Variants in RECQL observed in about 807,000 individuals in gnomAD.
RECQL encodes RecQ like helicase.
Under a neutral mutation model 75.8 loss-of-function variants are expected in RECQL, and 73 were observed. That is an observed-to-expected ratio of 0.96 (90% CI 0.80 to 1.17). RECQL has a LOEUF of 1.17. RECQL is among the 50% of genes most tolerant of loss of function. RECQL has a pLI of 0.00. For synonymous variants in RECQL, 248 were observed against 254.4 expected (o/e 0.97, Z 0.24); for missense variants, 699 against 772.1 (o/e 0.91, Z 1.12).
chr12:21,478,079 G>GCT (rs1248147044), intron 6 of RECQL, 110 bp from the exon 7 acceptor site: 1 of 1,027,108 alleles, frequency 9.7e-7, no homozygotes, highest in East Asian at 2.6e-5. Context: ...TGTTTCCACA[G>GCT]CCATCTATAG....
intron 2 of RECQL, among the ~76,000 whole-genome samples, chr12:21,497,407 T>A (rs1943527782): frequency 6.6e-6 from 1 of 152,196 alleles, no homozygotes; most frequent in Non-Finnish European, 1.5e-5. Context: ...CACTCTAGCA[T>A]CTCTCCAGAG....
chr12:21,472,244 A>G (rs1942987472), intron 12 of RECQL, among the ~76,000 whole-genome samples: 1 of 152,084 alleles, frequency 6.6e-6, no homozygotes, highest in African/African-American at 2.4e-5. Context: ...CACACGGATG[A>G]AAAAAAGTTA....
At chr12:21,489,242 T>C (rs566839335) in intron 4 of RECQL, among the ~76,000 whole-genome samples, 2 of 152,370 alleles carry the variant, frequency 1.3e-5, no homozygotes, top group South Asian at 2.1e-4. Flanking sequence ...GCTACACCCA[T>C]GTGTTTACAC....
At chr12:21,481,687 G>A (rs187840263) in intron 6 of RECQL, among the ~76,000 whole-genome samples, 6 of 152,122 alleles carry the variant, frequency 3.9e-5, no homozygotes, top group Admixed American at 3.3e-4. Flanking sequence ...TGCAGTCTTC[G>A]GGCTACAAGC....
At chr12:21,496,876 T>C (rs901321358) in intron 2 of RECQL, among the ~76,000 whole-genome samples, 6 of 152,210 alleles carry the variant, frequency 3.9e-5, no homozygotes, top group East Asian at 3.8e-4. Flanking sequence ...AACGCCATGA[T>C]ACAATCTTCT....
At chr12:21,478,301 G>C (rs138768500) in intron 6 of RECQL, among the ~76,000 whole-genome samples, 1 of 151,944 alleles carries the variant, frequency 6.6e-6, no homozygotes, top group African/African-American at 2.4e-5. Flanking sequence ...TGGTAAGGGC[G>C]GCACTGCTTT....
chr12:21,489,932 G>C (rs1488791400), intron 4 of RECQL, among the ~76,000 whole-genome samples: 2 of 152,078 alleles, frequency 1.3e-5, no homozygotes, highest in Non-Finnish European at 2.9e-5. Flanking sequence ...TTACTACTTG[G>C]ACGATGGATC....
chr12:21,473,835 A>G (rs540507629), intron 11 of RECQL, among the ~76,000 whole-genome samples, 193 bp from the exon 12 acceptor site: 20 of 152,236 alleles, frequency 1.3e-4, no homozygotes, highest in African/African-American at 4.8e-4. Context: ...TATGGGTTTC[A>G]CTGGATCAAA....
chr12:21,488,431 A>C (rs1447058464), intron 4 of RECQL, among the ~76,000 whole-genome samples: 1 of 151,950 alleles, frequency 6.6e-6, no homozygotes, highest in Non-Finnish European at 1.5e-5. Context: ...ATTCATTCCA[A>C]TGGCTTCAGT....
chr12:21,490,075 G>A (rs1392842664), intron 4 of RECQL, 124 bp downstream of exon 4: 4 of 489,388 alleles, frequency 8.2e-6, no homozygotes, highest in African/African-American at 2.0e-5. Flanking sequence ...TAATATAGAA[G>A]AAATCAAACA....
In RECQL at chr12:21,468,974, A is replaced by G; in HGVS notation, c.*1220T>C. The G allele has an allele frequency of 2.4e-6, 1 of 408,732 alleles. No homozygotes were observed. The highest frequency in any genetic ancestry group is 3.1e-5 in the South Asian group (1 of 32,004). The allele number at this position is 408,732 out of a possible 1,614,324, so 25.3% of individuals were successfully genotyped here. A position where few individuals can be genotyped will look rare whatever the true frequency, so the allele number is the denominator to read the frequency against. The stretch of plus-strand genomic sequence containing the variant: ...CTTTCCAATACAACACTGACCGCTT[A>G]GATAAAAATCTTAAGTTATTTATTT... On this transcript the variant is annotated 3_prime_UTR_variant, in exon 15 of 15. Coordinates refer to ENST00000444129, the MANE Select transcript of RECQL (RefSeq NM_002907.4).
chr12:21,475,639 AG>A (rs1447337189), intron 9 of RECQL, 36 bp downstream of exon 9: 2 of 1,609,508 alleles, frequency 1.2e-6, no homozygotes, highest in Non-Finnish European at 1.7e-6. Context: ...AATATTTTAA[AG>A]GTAAATTAGG....
intron 5 of RECQL, among the ~76,000 whole-genome samples, chr12:21,485,817 G>A (rs1943284614): frequency 6.6e-6 from 1 of 152,084 alleles, no homozygotes; most frequent in African/African-American, 2.4e-5. Flanking sequence ...TGGCTACATG[G>A]CAGTTTTTAT....
chr12:21,486,660 T>A, intron 4 of RECQL, 75 bp from the exon 5 acceptor site: 1 of 256,180 alleles, frequency 3.9e-6, no homozygotes, highest in Non-Finnish European at 6.5e-6. Flanking sequence ...CATTCACGTT[T>A]TTTTTTTTTT....
chr12:21,491,684 C>T lies in RECQL; in HGVS notation c.49G>A (p.Glu17Lys). 8 of 1,613,380 alleles carry T rather than the reference C, an allele frequency of 5.0e-6. No individual in the cohort carries two copies. Among genetic ancestry groups the T allele is most frequent in the Non-Finnish European group, 6.8e-6 (8 of 1,179,686 alleles). Residue 17 changes from glutamate to lysine, a missense_variant, in exon 3 of 15, where the codon GAG becomes AAG. Around this residue, in one of 2 missense-constraint regions of RECQL, gnomAD observed 669 missense variants for 713.5 expected, o/e 0.94. Transcript: ENST00000444129. Reference sequence around the variant, plus strand: ...ATTTGAATTTCTACTGCATGTAGCTCACTGGTTATAGAATCCAGTTCCTCA... The same window carrying T: ...ATTTGAATTTCTACTGCATGTAGCTTACTGGTTATAGAATCCAGTTCCTCA... ...LTEELDSITS[E>K]LHAVEIQIQE...
chr12:21,489,721 C>T (rs1943372153), intron 4 of RECQL, among the ~76,000 whole-genome samples: 1 of 152,118 alleles, frequency 6.6e-6, no homozygotes, highest in Non-Finnish European at 1.5e-5. Context: ...TTCTATAGCA[C>T]TGTAGGGTGA....
intron 4 of RECQL, among the ~76,000 whole-genome samples, chr12:21,487,835 G>A (rs1046981206): frequency 1.8e-4 from 28 of 152,040 alleles, no homozygotes; most frequent in Admixed American, 4.6e-4. Context: ...GTAGCAAGAA[G>A]GTGCCATCTA....
intron 6 of RECQL, among the ~76,000 whole-genome samples, chr12:21,481,211 A>C (rs986894654): frequency 6.6e-6 from 1 of 152,156 alleles, no homozygotes; most frequent in African/African-American, 2.4e-5. Context: ...AGAAAACAAA[A>C]AGTTTTTGGT....
At position 21,475,834 on chromosome 12, in the gene RECQL, A is replaced by G. The variant is rs1943076971; in HGVS notation, c.950-10T>C. 2 of 1,605,610 alleles carry G rather than the reference A, an allele frequency of 1.2e-6. No individual in the cohort carries two copies. Among genetic ancestry groups the G allele is most frequent in the Admixed American group, 3.3e-5 (2 of 59,920 alleles). On this transcript the variant is annotated splice_polypyrimidine_tract_variant and intron_variant, in intron 8 of 14. Transcript: ENST00000444129. ...AAACAATATATGATTCCTGCAGTAAAATATGTGCATTTGTTAGATAGATAT... is the reference window on the plus strand; with the variant it reads ...AAACAATATATGATTCCTGCAGTAAGATATGTGCATTTGTTAGATAGATAT...
Sources: allele counts gnomAD v4.1 joint callset (sites outside exome capture counted in the v4.1 genomes callset), GRCh38; gene constraint gnomAD v4.1.1; regional missense constraint gnomAD v4.1.1; transcripts MANE v1.5; gene names NCBI Gene and HGNC (gene_info 2026-07-23, HGNC 2026-07-21).